Variants in OR1L8 observed in about 807,000 individuals in gnomAD.
OR1L8 encodes the protein olfactory receptor 1L8.
For missense variants in OR1L8, 330 were observed against 377.4 expected (o/e 0.87, Z 1.04); for synonymous variants, 148 against 147.0 (o/e 1.01, Z -0.05).
intron 1 of OR1L8, among the ~76,000 whole-genome samples, chr9:122,580,072 G>GTAA (rs1157353140): frequency 6.6e-6 from 1 of 152,036 alleles, no homozygotes; most frequent in Admixed American, 6.5e-5. Flanking sequence ...CACTAACTGG[G>GTAA]TAATTGGTCA....
chr9:122,568,292 G>C lies in OR1L8; in HGVS notation c.186C>G (p.Phe62Leu). ...FNPHLQTPMY[F>L]FLSFLSLTDI... ...CAGTGAGAGACAGAAAACTCAAGAA[G>C]AAATACATAGGGGTCTGAAGATGGG... Residue 62 changes from phenylalanine (F) to leucine (L), a missense_variant, in exon 5 of 5, where the codon TTC becomes TTG. Transcript: ENST00000641027. 3.7e-6 allele frequency: 6 copies of C among 1,614,146 alleles called. No homozygotes were observed. The South Asian group carries it at 6.6e-5, about 18-fold the overall frequency.
chr9:122,563,424 T>G (rs982159097), downstream of OR1L8, among the ~76,000 whole-genome samples: 4 of 152,216 alleles, frequency 2.6e-5, no homozygotes, highest in Admixed American at 6.5e-5. Context: ...GAAATATCTA[T>G]TTAGGTCTTT....
At chr9:122,569,429 T>C (rs1219639946) in intron 4 of OR1L8, among the ~76,000 whole-genome samples, 3 of 152,248 alleles carry the variant, frequency 2.0e-5, no homozygotes, top group Non-Finnish European at 4.4e-5. Flanking sequence ...CTTCCATTTC[T>C]TGCTACTATA....
chr9:122,575,524 C>T (rs1829637463), intron 3 of OR1L8, among the ~76,000 whole-genome samples: 1 of 151,966 alleles, frequency 6.6e-6, no homozygotes, highest in African/African-American at 2.4e-5. Context: ...TTTTAATGTC[C>T]ATGAGATCTG....
At chr9:122,581,960 T>C (rs943366447) in intron 1 of OR1L8, among the ~76,000 whole-genome samples, 2 of 152,088 alleles carry the variant, frequency 1.3e-5, no homozygotes, top group Non-Finnish European at 2.9e-5. Context: ...AAGACAGAAC[T>C]TTATTTCTTA....
chr9:122,582,000 C>T (rs929581164), intron 1 of OR1L8, among the ~76,000 whole-genome samples: 4 of 152,182 alleles, frequency 2.6e-5, no homozygotes, highest in South Asian at 4.1e-4. Flanking sequence ...AGACAAAGCA[C>T]GGTGTCAAAG....
At chr9:122,583,176 C>T (rs1348071899) in intron 1 of OR1L8, 145 bp downstream of exon 1, 4 of 151,838 alleles carry the variant, frequency 2.6e-5, no homozygotes, top group Admixed American at 6.6e-5. Flanking sequence ...TAAATGGATA[C>T]GCCCCTATTC....
intron 4 of OR1L8, among the ~76,000 whole-genome samples, chr9:122,571,427 G>A (rs1829546509): frequency 6.6e-6 from 1 of 151,956 alleles, no homozygotes; most frequent in African/African-American, 2.4e-5. Flanking sequence ...GCGGGGGCCT[G>A]TAATCCCAGC....
chr9:122,568,597 T>TA lies in OR1L8; in HGVS notation c.-121_-120insT. The TA allele has an allele frequency of 7.8e-6, 5 of 637,118 alleles. No individual in the cohort carries two copies. The highest frequency in any genetic ancestry group is 1.3e-5 in the Non-Finnish European group (5 of 373,740). 39.5% of individuals were successfully genotyped at this position (637,118 alleles called of 1,614,324 possible). Reference sequence around the variant, plus strand: ...TCTGTTTGGTCACAATTAGCTACTGTGCTAATTGTGGGATGGCTTGTTCAC... The same window carrying TA: ...TCTGTTTGGTCACAATTAGCTACTGTAGCTAATTGTGGGATGGCTTGTTCAC... On this transcript the variant is annotated 5_prime_UTR_variant, in exon 5 of 5. Coordinates refer to ENST00000641027, the MANE Select transcript of OR1L8 (RefSeq NM_001004454.2).
chr9:122,571,900 A>G (rs1398477552), intron 4 of OR1L8, among the ~76,000 whole-genome samples: 1 of 152,126 alleles, frequency 6.6e-6, no homozygotes, highest in Non-Finnish European at 1.5e-5. Flanking sequence ...TTACACTGCT[A>G]TAAAGAAATA....
intron 1 of OR1L8, among the ~76,000 whole-genome samples, chr9:122,581,875 G>A (rs780854364): frequency 6.6e-5 from 10 of 152,240 alleles, no homozygotes; most frequent in Non-Finnish European, 1.5e-4. Context: ...TCACGACACT[G>A]CACTCCAGCC....
At chr9:122,581,432 T>G (rs1156855143) in intron 1 of OR1L8, among the ~76,000 whole-genome samples, 2 of 151,994 alleles carry the variant, frequency 1.3e-5, no homozygotes, top group African/African-American at 4.8e-5. Flanking sequence ...TACAGTTAGG[T>G]AAAAAGGTAG....
intron 4 of OR1L8, among the ~76,000 whole-genome samples, chr9:122,570,642 C>T (rs950632884): frequency 6.6e-6 from 1 of 152,296 alleles, no homozygotes; most frequent in East Asian, 1.9e-4. Flanking sequence ...CCAGCCACCT[C>T]AGCGTCATCG....
the OR1L8 span, among the ~76,000 whole-genome samples, chr9:122,548,102 G>A: frequency 6.6e-6 from 1 of 152,244 alleles, no homozygotes; most frequent in Non-Finnish European, 1.5e-5. Context: ...TTTGCTCAAA[G>A]CAGAAGTATA....
the OR1L8 span, among the ~76,000 whole-genome samples, chr9:122,548,946 T>C: frequency 1.3e-5 from 2 of 152,124 alleles, no homozygotes; most frequent in Non-Finnish European, 2.9e-5. Context: ...ATTATTTCTT[T>C]TGCTGTGCAG....
chr9:122,572,379 G>T (rs770797794), intron 4 of OR1L8, among the ~76,000 whole-genome samples: 1 of 152,156 alleles, frequency 6.6e-6, no homozygotes, highest in Non-Finnish European at 1.5e-5. Flanking sequence ...TGGGAATACA[G>T]AATTTAAAAA....
At chr9:122,571,547 CA>C (rs59592725) in intron 4 of OR1L8, among the ~76,000 whole-genome samples, 28,896 of 126,372 alleles carry the variant, frequency 0.23, 3,295 homozygotes, top group South Asian at 0.33. Flanking sequence ...CAGACTGTCT[CA>C]AAAAAAAAAA....
chr9:122,565,047 G>C (rs7858202), downstream of OR1L8, among the ~76,000 whole-genome samples: 1 of 152,030 alleles, frequency 6.6e-6, no homozygotes, highest in Non-Finnish European at 1.5e-5. Context: ...ATACTTCCTC[G>C]TGAAATTTAT....
the OR1L8 span, among the ~76,000 whole-genome samples, chr9:122,546,320 C>G: frequency 6.6e-6 from 1 of 152,134 alleles, no homozygotes; most frequent in African/African-American, 2.4e-5. Context: ...AGAGACAGAG[C>G]TTAATTTTCT....
Sources: allele counts gnomAD v4.1 joint callset (sites outside exome capture counted in the v4.1 genomes callset), GRCh38; gene constraint gnomAD v4.1.1; transcripts MANE v1.5; gene names NCBI Gene and HGNC (gene_info 2026-07-23, HGNC 2026-07-21).